The following TCF4 variants were observed in gnomAD, a reference collection of about 807,000 sequenced individuals.
TCF4 encodes SL3-3 enhancer factor 2.
In TCF4, 3 loss-of-function variants were observed where a neutral mutation model predicts 82.1. The observed-to-expected ratio is 0.04, with a 90% confidence interval of 0.02 to 0.09. The LOEUF (loss-of-function observed/expected upper bound fraction) is 0.09. Among genes scored for constraint, TCF4 ranks in the 10% least tolerant of loss-of-function variants. The pLI is 1.00. For missense variants in TCF4, 518 were observed against 852.7 expected (o/e 0.61, Z 4.89); for synonymous variants, 276 against 309.6 (o/e 0.89, Z 1.14).
chr18:55,381,921 T>C lies in TCF4; in HGVS notation c.369+21533A>G, dbSNP rs550851668. Among the ~76,000 whole-genome samples, 3 of 149,294 alleles carry C rather than the reference T, an allele frequency of 2.0e-5. No homozygotes were observed. In the South Asian group the frequency reaches 6.2e-4, roughly 31 times the overall value. On this transcript the variant is annotated intron_variant, in intron 6 of 19. Coordinates refer to ENST00000354452, the MANE Select transcript of TCF4 (RefSeq NM_001083962.2). ...CAAACTCTAGAAGGGTTTTTTTTTT[T>C]TTTTAAAAAAGGAAATTCTAAGTGA...
chr18:55,382,094 A>G (rs2092004476), intron 6 of TCF4, among the ~76,000 whole-genome samples: 3 of 152,108 alleles, frequency 2.0e-5, no homozygotes, highest in Admixed American at 2.0e-4. Context: ...AATTTGATAA[A>G]AGCTCAGGAG....
chr18:55,522,368 G>A (rs1473643145), intron 3 of TCF4, among the ~76,000 whole-genome samples: 1 of 151,972 alleles, frequency 6.6e-6, no homozygotes, highest in Non-Finnish European at 1.5e-5. Context: ...ATAAAATATA[G>A]GGAAATATGT....
intron 5 of TCF4, among the ~76,000 whole-genome samples, chr18:55,434,391 G>A (rs1179735085): frequency 1.4e-5 from 2 of 145,700 alleles, no homozygotes; most frequent in African/African-American, 2.5e-5. Context: ...TTCTGGTAAT[G>A]TGTTTTCAAA....
chr18:55,228,131 T>C, intron 19 of TCF4, 90 bp downstream of exon 19: 1 of 1,518,198 alleles, frequency 6.6e-7, no homozygotes, highest in Non-Finnish European at 9.1e-7. Flanking sequence ...AGAAAATATC[T>C]GTCAATTTGG....
intron 8 of TCF4, among the ~76,000 whole-genome samples, chr18:55,323,990 A>C (rs1255723454): frequency 6.6e-6 from 1 of 152,210 alleles, no homozygotes; most frequent in East Asian, 1.9e-4. Context: ...TATAAACCAA[A>C]TTGTCATGGC....
intron 13 of TCF4, among the ~76,000 whole-genome samples, chr18:55,258,913 C>T (rs556063342): frequency 6.6e-6 from 1 of 152,254 alleles, no homozygotes; most frequent in South Asian, 2.1e-4. Context: ...AATCGCTTCC[C>T]AGTTTCAACG....
At chr18:55,300,500 C>T (rs1220074694) in intron 8 of TCF4, among the ~76,000 whole-genome samples, 1 of 152,138 alleles carries the variant, frequency 6.6e-6, no homozygotes, top group Non-Finnish European at 1.5e-5. Flanking sequence ...ACATTAGCAA[C>T]CCAGAGTGGA....
At chr18:55,469,533 C>T (rs1284682752) in intron 3 of TCF4, 1 of 152,114 alleles carries the variant, frequency 6.6e-6, no homozygotes, top group African/African-American at 2.4e-5. Flanking sequence ...AGAACTATGA[C>T]CAAACACTCT....
intron 6 of TCF4, among the ~76,000 whole-genome samples, chr18:55,378,820 G>A (rs2091362772): frequency 1.3e-5 from 2 of 152,196 alleles, no homozygotes; most frequent in African/African-American, 4.8e-5. Context: ...ACTAATCTTT[G>A]CTTTCCACAC....
intron 17 of TCF4, chr18:55,229,544 A>C: frequency 5.8e-6 from 1 of 171,642 alleles, no homozygotes; most frequent in Non-Finnish European, 1.3e-5. Context: ...TAGGGGAAAC[A>C]AGTAATTGAA....
At chr18:55,384,105 G>C (rs535643024) in intron 6 of TCF4, 1 of 152,214 alleles carries the variant, frequency 6.6e-6, no homozygotes, top group Non-Finnish European at 1.5e-5. Flanking sequence ...TGGTCAACGG[G>C]TTAATATTCT....
intron 8 of TCF4, among the ~76,000 whole-genome samples, chr18:55,310,908 G>A (rs973348750): frequency 2.6e-5 from 4 of 152,068 alleles, no homozygotes; most frequent in African/African-American, 9.7e-5. Flanking sequence ...CTGATAGAGG[G>A]TTCTAAACAT....
At chr18:55,351,335 A>G (rs2082269227) in intron 6 of TCF4, 2 of 281,926 alleles carry the variant, frequency 7.1e-6, no homozygotes, top group South Asian at 3.4e-5. Flanking sequence ...ACTGAGGCTC[A>G]TATCTGGGAA....
At chr18:55,424,532 TAAAAC>T (rs1416755150) in intron 5 of TCF4, among the ~76,000 whole-genome samples, 1 of 152,074 alleles carries the variant, frequency 6.6e-6, no homozygotes. Context: ...TTCCTTTCTT[TAAAAC>T]AAAACAAACA....
intron 3 of TCF4, among the ~76,000 whole-genome samples, chr18:55,561,059 A>G (rs1448830779): frequency 6.6e-6 from 1 of 152,238 alleles, no homozygotes; most frequent in East Asian, 1.9e-4. Context: ...TCCAGTTATA[A>G]TCTTACAGAA....
intron 8 of TCF4, among the ~76,000 whole-genome samples, chr18:55,314,472 TAC>T (rs1461913464): frequency 5.7e-4 from 87 of 152,046 alleles, no homozygotes; most frequent in African/African-American, 2.0e-3. Flanking sequence ...ATCACATCAG[TAC>T]TTAACTGGAT....
chr18:55,393,066 C>CAATTA (rs1193942222), intron 6 of TCF4, among the ~76,000 whole-genome samples: 5 of 152,178 alleles, frequency 3.3e-5, no homozygotes, highest in Non-Finnish European at 5.9e-5. Context: ...CAATCTTCAA[C>CAATTA]AAGTATTAAG....
intron 6 of TCF4, among the ~76,000 whole-genome samples, chr18:55,357,446 T>C (rs1002587306): frequency 3.3e-5 from 5 of 152,218 alleles, no homozygotes; most frequent in Admixed American, 3.3e-4. Flanking sequence ...TATGCTATAA[T>C]CACTACTTGC....
intron 8 of TCF4, among the ~76,000 whole-genome samples, chr18:55,299,360 C>T (rs112203498): frequency 0.021 from 3,160 of 151,380 alleles, 94 homozygotes; most frequent in African/African-American, 0.072. Context: ...TGCAGTGAGT[C>T]GAGATCGCAC....
Sources: gnomAD v4.1 joint callset for allele counts (sites outside exome capture counted in the v4.1 genomes callset) on GRCh38, gnomAD v4.1.1 for gene constraint, MANE v1.5 for transcripts, NCBI Gene and HGNC (gene_info 2026-07-23, HGNC 2026-07-21) for gene names.